Variants in ACACB observed in about 807,000 individuals in gnomAD.
The protein encoded by ACACB is acetyl-CoA carboxylase beta.
In ACACB, 209 loss-of-function variants were observed where a neutral mutation model predicts 278.8. That is an observed-to-expected ratio of 0.75 (90% CI 0.67 to 0.84). The LOEUF (loss-of-function observed/expected upper bound fraction) is 0.84, where lower values mean the gene tolerates loss of function less well. Among genes scored for constraint, ACACB ranks in the 40% least tolerant of loss-of-function variants. The pLI is 0.00. For synonymous variants in ACACB, 1,174 were observed against 1,285.6 expected (o/e 0.91, Z 1.86); for missense variants, 2,850 against 3,269.0 (o/e 0.87, Z 3.13).
At chr12:109,255,496 C>T (rs2047202237) in intron 44 of ACACB, among the ~76,000 whole-genome samples, 1 of 152,224 alleles carries the variant, frequency 6.6e-6, no homozygotes, top group Non-Finnish European at 1.5e-5. Context: ...ACTGTCAGGC[C>T]AGTCCTCGGC....
Position 109,139,639 on chromosome 12 carries a change from C to T in ACACB, c.234C>T (p.Ser78=), listed in dbSNP as rs371940807. The part of the protein sequence containing the change: ...PKTPSQAEPA[S]HKGPKDAGRR... The stretch of plus-strand genomic sequence containing the variant: ...CACCCAGCCAGGCCGAGCCAGCCTC[C>T]CACAAAGGCCCCAAAGATGCCGGTC... The change falls in exon 2 of 53, where the codon TCC becomes TCT. Residue 78 remains serine, a synonymous_variant. Coordinates refer to ENST00000338432, the MANE Select transcript of ACACB (RefSeq NM_001093.4). 7 of 1,613,980 alleles carry T rather than the reference C, an allele frequency of 4.3e-6. No individual in the cohort carries two copies. The highest frequency in any genetic ancestry group is 2.2e-5 in the East Asian group (1 of 44,896).
rs1374301587 is a variant in ACACB, at chr12:109,172,328, G to T, written c.1089G>T (p.Leu363=). Residue 363 remains leucine, a synonymous_variant, in exon 6 of 53, where the codon CTG becomes CTT. Coordinates refer to ENST00000338432, the MANE Select transcript of ACACB (RefSeq NM_001093.4). ...CAGAAAACCCTAAACTTCCGGAGCT[G>T]CTGTGCAAGAATGGAGTTGCTTTCT... ...HASENPKLPE[L]LCKNGVAFLG... The T allele has an allele frequency of 1.9e-6, 3 of 1,614,160 alleles. No homozygotes were observed. Among genetic ancestry groups the T allele is most frequent in the Non-Finnish European group, 8.5e-7 (1 of 1,180,032 alleles).
the ACACB span, chr12:109,111,556 C>T: frequency 6.3e-5 from 9 of 143,434 alleles, no homozygotes; most frequent in African/African-American, 2.4e-4. Context: ...TTCTTTCTTT[C>T]TTTTTCTTTT....
chr12:109,133,915 A>ATTTGT (rs1237013875), intron 1 of ACACB, among the ~76,000 whole-genome samples: 4 of 48,650 alleles, frequency 8.2e-5, no homozygotes, highest in East Asian at 7.0e-4. Context: ...TTTTTTTTTC[A>ATTTGT]TTTGTTTTGT....
intron 1 of ACACB, among the ~76,000 whole-genome samples, chr12:109,121,547 A>G (rs1482406833): frequency 6.6e-6 from 1 of 152,200 alleles, no homozygotes; most frequent in Non-Finnish European, 1.5e-5. Context: ...GCATAGAGCA[A>G]GAGCATGGTG....
At chr12:109,192,850 A>G (rs866598912) in intron 15 of ACACB, among the ~76,000 whole-genome samples, 2 of 152,008 alleles carry the variant, frequency 1.3e-5, no homozygotes, top group African/African-American at 2.4e-5. Flanking sequence ...TTTTGCATAG[A>G]TGGGGTCTCA....
chr12:109,186,083 A>G (rs567020982), intron 12 of ACACB, among the ~76,000 whole-genome samples: 2 of 152,028 alleles, frequency 1.3e-5, no homozygotes, highest in African/African-American at 2.4e-5. Context: ...GGCGCCCGCC[A>G]CCACGCCTGG....
intron 4 of ACACB, among the ~76,000 whole-genome samples, chr12:109,168,861 G>C (rs1455066281): frequency 6.7e-6 from 1 of 149,714 alleles, no homozygotes; most frequent in Non-Finnish European, 1.5e-5. Flanking sequence ...ACTCAGGTCC[G>C]AGCACAGTGG....
chr12:109,212,148 T>G (rs1223598814), intron 21 of ACACB, among the ~76,000 whole-genome samples: 1 of 151,780 alleles, frequency 6.6e-6, no homozygotes, highest in African/African-American at 2.4e-5. Context: ...TGAACAGGGG[T>G]GTTTCAGGGT....
intron 33 of ACACB, chr12:109,235,901 A>G: frequency 2.3e-6 from 1 of 432,806 alleles, no homozygotes; most frequent in South Asian, 3.4e-5. Flanking sequence ...TGGGAGGCTG[A>G]GGTGGGAGGA....
chr12:109,201,494 C>G, intron 18 of ACACB, 73 bp from the exon 19 acceptor site: 9 of 1,575,362 alleles, frequency 5.7e-6, no homozygotes, highest in Non-Finnish European at 7.8e-6. Flanking sequence ...CCTGCTCCGG[C>G]ATCACTAGTT....
chr12:109,249,783 T>G, intron 40 of ACACB: 1 of 494,444 alleles, frequency 2.0e-6, no homozygotes, highest in Non-Finnish European at 3.5e-6. Context: ...AGGGTGATGA[T>G]TGTTGATGCT....
chr12:109,228,658 CAAA>C (rs887136316), intron 28 of ACACB, among the ~76,000 whole-genome samples: 1 of 72,544 alleles, frequency 1.4e-5, no homozygotes. Flanking sequence ...AACTCTGTCT[CAAA>C]AAAAAAAAAA....
At chr12:109,216,512 G>C in intron 22 of ACACB, 106 bp from the exon 23 acceptor site, 2 of 1,184,110 alleles carry the variant, frequency 1.7e-6, no homozygotes, top group Non-Finnish European at 2.4e-6. Flanking sequence ...GAGCCACCAT[G>C]CCCAGCCAAT....
intron 2 of ACACB, among the ~76,000 whole-genome samples, chr12:109,146,662 CGTCTT>C (rs1183749488): frequency 3.3e-5 from 5 of 152,002 alleles, no homozygotes; most frequent in Admixed American, 3.3e-4. Flanking sequence ...TTGTTGTCGC[CGTCTT>C]GAGATTCTTT....
rs1276441085 is a variant in ACACB, at chr12:109,179,904, T to G, written c.1648-13T>G. On this transcript the variant is annotated splice_polypyrimidine_tract_variant and intron_variant, in intron 10 of 52. Transcript: ENST00000338432. ...CTCTGGAACCCCCTTGGCCTCTTTC[T>G]GTTTCTTCACAGTGTGCCATCCGCC... 3 of 1,594,924 alleles carry G rather than the reference T, an allele frequency of 1.9e-6. No individual in the cohort carries two copies. In the Admixed American group the frequency reaches 5.0e-5, roughly 27 times the overall value.
Position 109,242,578 on chromosome 12 carries a change from G to A in ACACB, c.5164G>A (p.Glu1722Lys), listed in dbSNP as rs2136680213. ...AACCACCTACATCTATGACTTCCCG[G>A]AAATGTTCAGGCAGGCAAGTCCGGC... Reference protein sequence around the residue: ...LGTTYIYDFPEMFRQALFKLW... With the variant: ...LGTTYIYDFPKMFRQALFKLW... Residue 1722 changes from glutamate to lysine, a missense_variant, in exon 37 of 53, where the codon GAA becomes AAA. Glu to Lys is a moderately conservative substitution (Grantham distance 56, BLOSUM62 1). Coordinates refer to ENST00000338432, the MANE Select transcript of ACACB (RefSeq NM_001093.4). The A allele has an allele frequency of 6.2e-7, 1 of 1,614,040 alleles. No homozygotes were observed. The highest frequency in any genetic ancestry group is 8.5e-7 in the Non-Finnish European group (1 of 1,179,932).
intron 6 of ACACB, 60 bp downstream of exon 6, chr12:109,172,416 G>A: frequency 6.6e-7 from 1 of 1,506,590 alleles, no homozygotes. Context: ...ACTCTGCTGG[G>A]TCTGACCCTC....
chr12:109,213,183 C>A (rs1042439222), intron 22 of ACACB, among the ~76,000 whole-genome samples: 1 of 152,228 alleles, frequency 6.6e-6, no homozygotes, highest in Admixed American at 6.5e-5. Flanking sequence ...CCTGCCTCAG[C>A]CTCCCGAATA....
Sources: gnomAD v4.1 joint callset for allele counts (sites outside exome capture counted in the v4.1 genomes callset) on GRCh38, gnomAD v4.1.1 for gene constraint, MANE v1.5 for transcripts, NCBI Gene and HGNC (gene_info 2026-07-23, HGNC 2026-07-21) for gene names.